Variants in PRRC2C observed in about 807,000 individuals in gnomAD.
The protein encoded by PRRC2C is protein PRRC2C.
A neutral mutation model predicts 317.2 loss-of-function variants in PRRC2C; 72 were observed. The observed-to-expected ratio is 0.23, with a 90% CI of 0.19 to 0.28. PRRC2C has a LOEUF of 0.28. PRRC2C is among the 10% of genes least tolerant of loss of function. The probability of loss-of-function intolerance (pLI) is 1.00; values close to 1 mark genes in which losing one functional copy is unlikely to be tolerated. For synonymous variants in PRRC2C, 1,296 were observed against 1,205.9 expected (o/e 1.07, Z -1.55); for missense variants, 3,074 against 3,459.7 (o/e 0.89, Z 2.80).
chr1:171,542,348 C>T (rs1441951271), intron 16 of PRRC2C, 119 bp downstream of exon 16: 1 of 930,170 alleles, frequency 1.1e-6, no homozygotes, highest in African/African-American at 1.7e-5. Context: ...CATTGTTCTT[C>T]CCAAATGCTT....
At position 171,541,581 on chromosome 1, in the gene PRRC2C, A is replaced by G. The variant is rs1395585406; in HGVS notation, c.4115A>G (p.Tyr1372Cys). Residue 1372 changes from tyrosine to cysteine, a missense_variant, in exon 16 of 35, where the codon TAT becomes TGT. By Grantham distance (194) the Tyr-to-Cys change is radical. Transcript: ENST00000647382. The surrounding 1 kb of genome is among the most constrained non-coding windows in gnomAD (Gnocchi z 4.1). Reference sequence around the variant, plus strand: ...CCTTCCACTTTACGAAGACCAGCTTATCGGGACAATCAGTGGAACCCAAGG... The same window carrying G: ...CCTTCCACTTTACGAAGACCAGCTTGTCGGGACAATCAGTGGAACCCAAGG... Reference protein sequence around the residue: ...SRPSTLRRPAYRDNQWNPRQS... With the variant: ...SRPSTLRRPACRDNQWNPRQS... 1.2e-6 allele frequency: 2 copies of G among 1,613,878 alleles called. No homozygotes were observed. The highest frequency in any genetic ancestry group is 2.2e-5 in the South Asian group (2 of 91,078).
intron 25 of PRRC2C, among the ~76,000 whole-genome samples, chr1:171,575,995 A>G (rs1398849041): frequency 6.6e-6 from 1 of 152,208 alleles, no homozygotes; most frequent in Non-Finnish European, 1.5e-5. Context: ...GGTTTATACA[A>G]GTTATTTTGA....
At chr1:171,556,287 A>C (rs2102630148) in intron 18 of PRRC2C, among the ~76,000 whole-genome samples, 1 of 152,326 alleles carries the variant, frequency 6.6e-6, no homozygotes, top group Non-Finnish European at 1.5e-5. Context: ...GGAAAAGTGC[A>C]GTATTAGGGC....
rs757774519 is a variant in PRRC2C at position 171,566,305 on chromosome 1, A to G, written c.6190A>G (p.Asn2064Asp). ...AATTCAGTTTGGTGCTCCAGCCTCA[A>G]ATGGAAATGAAAATGAAGTTGTTCC... ...DTIQFGAPAS[N>D]GNENEVVPVL... is the part of the protein sequence containing the mutation. Residue 2064 changes from asparagine to aspartate, a missense_variant, in exon 21 of 35, where the codon AAT becomes GAT. Asn to Asp is a conservative substitution (Grantham distance 23). This residue lies in a region of PRRC2C where 640 missense variants were observed against 676.1 expected (regional missense o/e 0.95). Coordinates refer to ENST00000647382, the MANE Select transcript of PRRC2C (RefSeq NM_001387844.1). 1 of 1,608,932 alleles carries G rather than the reference A, an allele frequency of 6.2e-7. No homozygotes were observed. Among genetic ancestry groups the G allele is most frequent in the East Asian group, 2.2e-5 (1 of 44,766 alleles).
intron 18 of PRRC2C, among the ~76,000 whole-genome samples, chr1:171,550,627 C>T (rs531996721): frequency 7.3e-6 from 1 of 137,104 alleles, no homozygotes; most frequent in East Asian, 2.5e-4. Context: ...CTCCCCCCAT[C>T]CCACAACAGG....
chr1:171,532,856 G>T lies in PRRC2C; in HGVS notation c.1768G>T (p.Glu590Ter). ...QKMKEQEKEC[E>*]LEKEREKLEE... ...GATGAAAGAACAAGAAAAGGAATGT[G>T]AGCTGGAGAAGGAAAGGGAAAAATT... The change falls in exon 12 of 35, where the codon GAG becomes TAG. Residue 590 changes from glutamate to a stop codon, truncating the protein, a stop_gained. Transcript: ENST00000647382. LOFTEE classifies it high-confidence loss of function. 1 of 1,597,906 alleles carries T rather than the reference G, an allele frequency of 6.3e-7. No individual in the cohort carries two copies. The highest frequency in any genetic ancestry group is 1.2e-5 in the South Asian group (1 of 86,332).
intron 17 of PRRC2C, among the ~76,000 whole-genome samples, chr1:171,546,697 G>A (rs560639204): frequency 2.0e-5 from 3 of 152,112 alleles, no homozygotes; most frequent in African/African-American, 4.8e-5. Flanking sequence ...CATCCCAGAC[G>A]TCAAGCGATT....
chr1:171,563,567 A>G (rs1379524472), intron 20 of PRRC2C, among the ~76,000 whole-genome samples: 6 of 152,204 alleles, frequency 3.9e-5, no homozygotes, highest in African/African-American at 1.2e-4. Context: ...ATGGGGCAGT[A>G]AAGAAGATAT....
chr1:171,542,149 T>A lies in PRRC2C; in HGVS notation c.4683T>A (p.Gly1561=), dbSNP rs1472947383. 1 of 1,607,416 alleles carries A rather than the reference T, an allele frequency of 6.2e-7. No individual in the cohort carries two copies. Among genetic ancestry groups the A allele is most frequent in the Non-Finnish European group, 8.5e-7 (1 of 1,177,842 alleles). ...GTCAGAATCGACGTGGCAACAATGG[T>A]CCACCCAAATCAGGAAGGAATTTCT... The part of the protein sequence containing the change: ...VDRQNRRGNN[G]PPKSGRNFSG... The change falls in exon 16 of 35, where the codon GGT becomes GGA. Residue 1561 remains glycine (G), a synonymous_variant. Transcript: ENST00000647382.
intron 1 of PRRC2C, among the ~76,000 whole-genome samples, chr1:171,496,774 CGTGTGTGTGTGTGT>C (rs71688813): frequency 1.2e-4 from 18 of 146,886 alleles, no homozygotes; most frequent in South Asian, 8.9e-4. Flanking sequence ...ACATTTGGGG[CGTGTGTGTGTGTGT>C]GTGTGTGTGT....
intron 29 of PRRC2C, 41 bp downstream of exon 29, chr1:171,584,228 C>T: frequency 6.7e-7 from 1 of 1,494,932 alleles, no homozygotes; most frequent in South Asian, 1.2e-5. Context: ...CATTGTATTC[C>T]TATGCCACAG....
At chr1:171,500,981 C>T (rs1220122474) in intron 1 of PRRC2C, among the ~76,000 whole-genome samples, 5 of 152,208 alleles carry the variant, frequency 3.3e-5, no homozygotes, top group South Asian at 2.1e-4. Context: ...TCACTGCAGC[C>T]TCGACTTCCT....
chr1:171,559,873 A>C (rs1208282861), intron 19 of PRRC2C, among the ~76,000 whole-genome samples: 1 of 152,102 alleles, frequency 6.6e-6, no homozygotes, highest in Non-Finnish European at 1.5e-5. Flanking sequence ...AGGGGGAAAA[A>C]TGCTCAAAAG....
intron 11 of PRRC2C, among the ~76,000 whole-genome samples, chr1:171,529,985 A>C (rs867877810): frequency 4.2e-4 from 64 of 152,184 alleles, no homozygotes; most frequent in African/African-American, 1.5e-3. Flanking sequence ...CCCTCTCCTC[A>C]TAACCACTGA....
chr1:171,501,548 G>C (rs1669117918), intron 1 of PRRC2C, among the ~76,000 whole-genome samples: 1 of 152,198 alleles, frequency 6.6e-6, no homozygotes, highest in Non-Finnish European at 1.5e-5. Context: ...TCCTTAAACA[G>C]AGAAAGAAAG....
intron 1 of PRRC2C, among the ~76,000 whole-genome samples, chr1:171,507,301 G>A (rs1396551151): frequency 6.6e-5 from 10 of 152,148 alleles, no homozygotes; most frequent in Non-Finnish European, 1.3e-4. Context: ...CACTGCTGGA[G>A]GCAAGGCTTT....
intron 11 of PRRC2C, among the ~76,000 whole-genome samples, chr1:171,531,199 CAG>C (rs563058575): frequency 6.7e-4 from 102 of 152,190 alleles, no homozygotes; most frequent in Middle Eastern, 3.4e-3. Flanking sequence ...CTTGGGGCCA[CAG>C]GGGGAGGCAG....
intron 1 of PRRC2C, among the ~76,000 whole-genome samples, chr1:171,486,256 C>A (rs1398630702): frequency 6.6e-6 from 1 of 151,832 alleles, no homozygotes; most frequent in Non-Finnish European, 1.5e-5. Flanking sequence ...GTTTAAAGAC[C>A]TGGTTAGATG....
At chr1:171,528,185 A>G (rs1675019010) in intron 11 of PRRC2C, among the ~76,000 whole-genome samples, 1 of 151,940 alleles carries the variant, frequency 6.6e-6, no homozygotes. Context: ...CTCATATTTT[A>G]AGAAAAACAA....
Sources: allele counts gnomAD v4.1 joint callset (sites outside exome capture counted in the v4.1 genomes callset), GRCh38; gene constraint gnomAD v4.1.1; regional missense constraint gnomAD v4.1.1; non-coding constraint Gnocchi (gnomAD v3.1); transcripts MANE v1.5; gene names NCBI Gene and HGNC (gene_info 2026-07-23, HGNC 2026-07-21).